DYNC2H1: variants seen among roughly 807,000 people sequenced by gnomAD.
The protein encoded by DYNC2H1 is dynein cytoplasmic 2 heavy chain 1.
In DYNC2H1, 410 loss-of-function variants were observed where a neutral mutation model predicts 570.0. The ratio of observed to expected loss-of-function variants is 0.72; its 90% CI spans 0.66 to 0.78. DYNC2H1 has a LOEUF of 0.78. Ranked by LOEUF, DYNC2H1 falls within the 30% of genes least tolerant of loss-of-function variation. DYNC2H1 has a pLI of 0.00. For synonymous variants in DYNC2H1, 1,688 were observed against 1,677.6 expected (o/e 1.01, Z -0.15); for missense variants, 4,865 against 5,046.4 (o/e 0.96, Z 1.09).
intron 83 of DYNC2H1, among the ~76,000 whole-genome samples, chr11:103,394,434 A>C (rs1942303759): frequency 6.6e-6 from 1 of 152,128 alleles, no homozygotes; most frequent in Non-Finnish European, 1.5e-5. Context: ...AGATTATTTA[A>C]AGTATACAGA....
chr11:103,298,672 G>A (rs1866932616), intron 75 of DYNC2H1, among the ~76,000 whole-genome samples: 1 of 151,956 alleles, frequency 6.6e-6, no homozygotes, highest in Non-Finnish European at 1.5e-5. Context: ...TTTTATTTCA[G>A]GAATAAGTTT....
rs191142707 is a variant in DYNC2H1 at position 103,465,099 on chromosome 11, T to G, written c.12649-3490T>G. ...AAAAGTAGATGGTAAAACACTAAAA[T>G]GGATATACAATCCATAGCAGAAAAG... On this transcript the variant is annotated intron_variant, in intron 87 of 88. Transcript: ENST00000375735. This position sits in a 1 kb window ranked among gnomAD's most constrained non-coding sequence, Gnocchi z 4.9. 4.6e-3 allele frequency among the ~76,000 whole-genome samples: 694 copies of G among 151,944 alleles called. 5 individuals are homozygous for G. The highest frequency in any genetic ancestry group is 0.016 in the African/African-American group (646 of 41,428).
intron 84 of DYNC2H1, among the ~76,000 whole-genome samples, chr11:103,413,026 A>C (rs2135692801): frequency 6.6e-6 from 1 of 152,162 alleles, no homozygotes; most frequent in African/African-American, 2.4e-5. Context: ...CCTCCAGACT[A>C]CTGAATCAGA....
Position 103,168,785 on chromosome 11 carries a change from C to T in DYNC2H1, c.4793C>T (p.Ala1598Val). 1 of 1,612,994 alleles carries T rather than the reference C, an allele frequency of 6.2e-7. No homozygotes were observed. The highest frequency in any genetic ancestry group is 8.5e-7 in the Non-Finnish European group (1 of 1,179,456). Residue 1598 changes from alanine (A) to valine (V), a missense_variant, in exon 32 of 89, where the codon GCC becomes GTC. Physicochemically the swap from Ala to Val is moderately conservative, Grantham distance 64. Coordinates refer to ENST00000375735, the MANE Select transcript of DYNC2H1 (RefSeq NM_001377.3). ...GGCATCCTGGAGCTTAAACTTAAAG[C>T]CCTAATTCTTGACATTATCCATAAT... is the stretch of plus-strand genomic sequence containing the variant. ...ESGILELKLKALILDIIHNID... is the reference protein window; with the variant it reads ...ESGILELKLKVLILDIIHNID...
intron 15 of DYNC2H1, among the ~76,000 whole-genome samples, chr11:103,134,744 A>T (rs751182307): frequency 4.9e-4 from 75 of 152,080 alleles, no homozygotes; most frequent in Non-Finnish European, 7.9e-4. Context: ...GCCGTAAAAA[A>T]CAAAGTTAAG....
chr11:103,164,168 A>C (rs1861206732), intron 30 of DYNC2H1, among the ~76,000 whole-genome samples: 1 of 152,120 alleles, frequency 6.6e-6, no homozygotes, highest in African/African-American at 2.4e-5. Flanking sequence ...ACTTAGAATA[A>C]AAGACACAGT....
intron 85 of DYNC2H1, among the ~76,000 whole-genome samples, chr11:103,443,080 T>G (rs1225360132): frequency 6.6e-6 from 1 of 152,016 alleles, no homozygotes; most frequent in Non-Finnish European, 1.5e-5. Flanking sequence ...CTTTTATTTT[T>G]GGTAAAGAAG....
At chr11:103,358,162 T>A in intron 82 of DYNC2H1, 81 bp from the exon 83 acceptor site, 1 of 714,738 alleles carries the variant, frequency 1.4e-6, no homozygotes, top group South Asian at 2.7e-5. Flanking sequence ...AAACAAAATG[T>A]CTGTTTTTGT....
Position 103,404,728 on chromosome 11 carries a change from A to G in DYNC2H1, c.12366+4856A>G, listed in dbSNP as rs925643450. The G allele has an allele frequency of 2.0e-5, 3 of 151,750 alleles. No homozygotes were observed. In the Admixed American group the frequency reaches 2.0e-4, roughly 10 times the overall value. The allele number at this position is 151,750 out of a possible 1,614,324, so 9.4% of individuals were successfully genotyped here. A position where few individuals can be genotyped will look rare whatever the true frequency, so the allele number is the denominator to read the frequency against. On this transcript the variant is annotated intron_variant, in intron 84 of 88. Transcript: ENST00000375735. ...TGATAGGATGTAGTGGAAATGGGCT[A>G]CAACATAATATGTGTCATGTAAGAT...
chr11:103,288,716 G>GAAAGTAAA (rs1866460420), intron 75 of DYNC2H1, among the ~76,000 whole-genome samples: 1 of 90,298 alleles, frequency 1.1e-5, no homozygotes, highest in East Asian at 3.3e-4. Flanking sequence ...AAAAAGAAAA[G>GAAAGTAAA]AAAGTAAAAG....
chr11:103,264,557 T>C lies in DYNC2H1; in HGVS notation c.10695+4580T>C, dbSNP rs1354195973. The stretch of plus-strand genomic sequence containing the variant: ...TTCAACATATGCAAATCAATAAATA[T>C]AATCCATGACATGAACAGAACTAAT... On this transcript the variant is annotated intron_variant, in intron 70 of 88. Coordinates refer to ENST00000375735, the MANE Select transcript of DYNC2H1 (RefSeq NM_001377.3). This position sits in a 1 kb window ranked among gnomAD's most constrained non-coding sequence, Gnocchi z 4.8. Among the ~76,000 whole-genome samples the C allele has an allele frequency of 1.3e-5, 2 of 152,180 alleles. No homozygotes were observed. Among genetic ancestry groups the C allele is most frequent in the Non-Finnish European group, 2.9e-5 (2 of 68,034 alleles).
intron 84 of DYNC2H1, among the ~76,000 whole-genome samples, chr11:103,422,739 G>A (rs1385672202): frequency 6.6e-6 from 1 of 152,116 alleles, no homozygotes. Flanking sequence ...AATAATGAAT[G>A]GGCAAAAGTG....
intron 57 of DYNC2H1, 96 bp downstream of exon 57, chr11:103,220,879 C>T: frequency 8.1e-7 from 1 of 1,236,686 alleles, no homozygotes; most frequent in Non-Finnish European, 1.1e-6. Context: ...TCAAAATGCA[C>T]TTCATCTAAA....
chr11:103,255,816 T>C (rs565489237), intron 67 of DYNC2H1, among the ~76,000 whole-genome samples: 89 of 152,174 alleles, frequency 5.8e-4, no homozygotes, highest in Admixed American at 1.1e-3. Context: ...CAAGAAATTA[T>C]AACAATCTGT....
chr11:103,372,032 C>CTT (rs1156605664), intron 83 of DYNC2H1, among the ~76,000 whole-genome samples: 455 of 38,056 alleles, frequency 0.012, 67 homozygotes, highest in Non-Finnish European at 0.016. Context: ...TTGTCTTGTT[C>CTT]TTTTTTTTTT....
intron 83 of DYNC2H1, among the ~76,000 whole-genome samples, chr11:103,364,376 G>C (rs1400024189): frequency 1.3e-5 from 2 of 151,602 alleles, no homozygotes; most frequent in Non-Finnish European, 2.9e-5. Flanking sequence ...GAGTTTGTTA[G>C]AATAGTTTCG....
rs763850254 is a variant in DYNC2H1, at chr11:103,179,141, G to A, written c.6255G>A (p.Gln2085=). ...LLTMPSGERI[Q]FGPNVNFVFE... ...CTATGCCCAGTGGAGAAAGGATTCAGTTTGGCCCAAATGTTAACTTTGTAT... is the reference window on the plus strand; with the variant it reads ...CTATGCCCAGTGGAGAAAGGATTCAATTTGGCCCAAATGTTAACTTTGTAT... The change falls in exon 39 of 89, where the codon CAG becomes CAA. Residue 2085 remains glutamine, a synonymous_variant. Transcript: ENST00000375735. 4.3e-6 allele frequency: 7 copies of A among 1,613,096 alleles called. No individual in the cohort carries two copies. The Admixed American group carries it at 8.3e-5, about 19-fold the overall frequency.
chr11:103,193,718 T>C (rs1862409435), intron 47 of DYNC2H1, among the ~76,000 whole-genome samples: 2 of 148,278 alleles, frequency 1.3e-5, no homozygotes, highest in South Asian at 4.3e-4. Flanking sequence ...TAATTTTGTA[T>C]TTTTTTTTTA....
At chr11:103,424,351 T>C (rs1600821) in intron 84 of DYNC2H1, among the ~76,000 whole-genome samples, 20,552 of 152,104 alleles carry the variant, frequency 0.14, 1,664 homozygotes, top group Admixed American at 0.24. Context: ...GTACCAAGTG[T>C]TGATATGGAT....
Sources: allele counts gnomAD v4.1 joint callset (sites outside exome capture counted in the v4.1 genomes callset), GRCh38; gene constraint gnomAD v4.1.1; non-coding constraint Gnocchi (gnomAD v3.1); transcripts MANE v1.5; gene names NCBI Gene and HGNC (gene_info 2026-07-23, HGNC 2026-07-21).